The following AMPH variants were observed in gnomAD, a reference collection of about 807,000 sequenced individuals.
The protein encoded by AMPH is amphiphysin.
In AMPH, 49 loss-of-function variants were observed where a neutral mutation model predicts 99.1. The ratio of observed to expected loss-of-function variants is 0.49; its 90% CI spans 0.39 to 0.63. The LOEUF (loss-of-function observed/expected upper bound fraction) is 0.63, where lower values mean the gene tolerates loss of function less well. Among genes scored for constraint, AMPH ranks in the 20% least tolerant of loss-of-function variants. The pLI is 0.00. For synonymous variants in AMPH, 314 were observed against 317.3 expected (o/e 0.99, Z 0.11); for missense variants, 759 against 863.4 (o/e 0.88, Z 1.52).
At chr7:38,440,585 A>C (rs1438581650) in intron 11 of AMPH, among the ~76,000 whole-genome samples, 1 of 152,220 alleles carries the variant, frequency 6.6e-6, no homozygotes, top group Non-Finnish European at 1.5e-5. Flanking sequence ...AATAATGTGA[A>C]GTTTAAAACG....
At chr7:38,466,346 C>A (rs898238001) in intron 7 of AMPH, 98 bp from the exon 8 acceptor site, 2 of 934,016 alleles carry the variant, frequency 2.1e-6, no homozygotes, top group African/African-American at 3.5e-5. Flanking sequence ...ACCCAGGTTT[C>A]TTTTACACCA....
Position 38,446,159 on chromosome 7 carries a change from C to T in AMPH, c.1018-9771G>A, listed in dbSNP as rs541934520. ...TGTGAGAATGGCCTAATACATTAAC[C>T]ATGCCAACTGTTGGCAAAGATGTGG... On this transcript the variant is annotated intron_variant, in intron 11 of 20. Coordinates refer to ENST00000356264, the MANE Select transcript of AMPH (RefSeq NM_001635.4). Among the ~76,000 whole-genome samples, 7 of 152,314 alleles carry T rather than the reference C, an allele frequency of 4.6e-5. No individual in the cohort carries two copies. The South Asian group carries it at 1.2e-3, about 27-fold the overall frequency.
At chr7:38,406,778 T>A (rs1001744365) in intron 17 of AMPH, among the ~76,000 whole-genome samples, 1 of 82,458 alleles carries the variant, frequency 1.2e-5, no homozygotes, top group Non-Finnish European at 2.3e-5. Context: ...CTCTCTCTCG[T>A]GCTGGATGCC....
chr7:38,565,480 C>CT (rs1024180330), intron 1 of AMPH, among the ~76,000 whole-genome samples: 135 of 152,266 alleles, frequency 8.9e-4, no homozygotes, highest in Admixed American at 2.0e-3. Context: ...TTCACATGGT[C>CT]TTTTTTTCTG....
intron 13 of AMPH, among the ~76,000 whole-genome samples, chr7:38,430,787 G>T (rs538444801): frequency 5.3e-5 from 8 of 152,156 alleles, no homozygotes; most frequent in Non-Finnish European, 1.2e-4. Flanking sequence ...GGTTTCAATA[G>T]ACATTTTTAA....
intron 3 of AMPH, among the ~76,000 whole-genome samples, chr7:38,498,608 C>T (rs2129024360): frequency 6.6e-6 from 1 of 152,264 alleles, no homozygotes; most frequent in Non-Finnish European, 1.5e-5. Context: ...CATATAAGTG[C>T]TCAATAAATG....
intron 17 of AMPH, among the ~76,000 whole-genome samples, chr7:38,402,080 C>T (rs1273089418): frequency 6.6e-6 from 1 of 152,158 alleles, no homozygotes; most frequent in African/African-American, 2.4e-5. Context: ...TTTACCACAT[C>T]TCATGCAAAT....
At position 38,532,335 on chromosome 7, in the gene AMPH, A is replaced by G. The variant is rs893551598; in HGVS notation, c.150+2596T>C. The stretch of plus-strand genomic sequence containing the variant: ...GAAAATGCTAGATATTTTAGATGCA[A>G]AAATATTTTCAAAGTGAACCAAATG... On this transcript the variant is annotated intron_variant, in intron 2 of 20. Coordinates refer to ENST00000356264, the MANE Select transcript of AMPH (RefSeq NM_001635.4). Among the ~76,000 whole-genome samples, 3 of 152,320 alleles carry G rather than the reference A, an allele frequency of 2.0e-5. No homozygotes were observed. In the South Asian group the frequency reaches 6.2e-4, roughly 32 times the overall value.
At chr7:38,569,907 T>C (rs778318931) in intron 1 of AMPH, among the ~76,000 whole-genome samples, 4 of 152,332 alleles carry the variant, frequency 2.6e-5, no homozygotes, top group East Asian at 1.9e-4. Flanking sequence ...ATCATAATTA[T>C]GTTACATTTG....
At chr7:38,466,008 C>G (rs1584128130) in intron 8 of AMPH, among the ~76,000 whole-genome samples, 165 bp downstream of exon 8, 1 of 152,264 alleles carries the variant, frequency 6.6e-6, no homozygotes, top group African/African-American at 2.4e-5. Context: ...ACTATGTGAT[C>G]ACTATGAAAA....
intron 1 of AMPH, among the ~76,000 whole-genome samples, chr7:38,583,358 T>C (rs575555655): frequency 6.6e-6 from 1 of 152,302 alleles, no homozygotes; most frequent in Admixed American, 6.5e-5. Context: ...ACAAAGAACC[T>C]AATAGAAAGC....
rs368277846 is a variant in AMPH at position 38,509,643 on chromosome 7, A to G, written c.151-5939T>C. ...TTGAATTTGTGACCCTTGAAAAACC[A>G]CTCAGTTGTTTTTCTCTCTGTGTGT... On this transcript the variant is annotated intron_variant, in intron 2 of 20. Transcript: ENST00000356264. Among the ~76,000 whole-genome samples, 23 of 152,214 alleles carry G rather than the reference A, an allele frequency of 1.5e-4. No individual in the cohort carries two copies. The East Asian group carries it at 4.2e-3, about 28-fold the overall frequency.
chr7:38,463,406 C>A (rs1202097287), intron 9 of AMPH, among the ~76,000 whole-genome samples: 7 of 152,154 alleles, frequency 4.6e-5, no homozygotes, highest in Non-Finnish European at 5.9e-5. Context: ...AAAATAAAAA[C>A]TCTAAAATCA....
At chr7:38,430,919 A>C (rs115416246) in intron 13 of AMPH, among the ~76,000 whole-genome samples, 148 of 152,368 alleles carry the variant, frequency 9.7e-4, no homozygotes, top group African/African-American at 3.2e-3. Context: ...GAAAGTGGCA[A>C]TGTCAATTCA....
chr7:38,614,157 A>T (rs1285869650), intron 1 of AMPH, among the ~76,000 whole-genome samples: 1 of 152,230 alleles, frequency 6.6e-6, no homozygotes, highest in Non-Finnish European at 1.5e-5. Flanking sequence ...ACATCTAGCC[A>T]CAAATGATGC....
At chr7:38,605,905 C>T (rs935758981) in intron 1 of AMPH, among the ~76,000 whole-genome samples, 2 of 152,134 alleles carry the variant, frequency 1.3e-5, no homozygotes, top group Non-Finnish European at 2.9e-5. Flanking sequence ...TGCTAGAAGT[C>T]TAAACTCGTA....
In AMPH at chr7:38,427,173, C is replaced by A. The variant is rs373240467; in HGVS notation, c.1183-187G>T. ...CACTGTATGATTTTAAATAGGCTGA[C>A]AAAAAAAAAAAGAAAGGTTAATTTT... is the stretch of plus-strand genomic sequence containing the variant. On this transcript the variant is annotated intron_variant, in intron 14 of 20. Transcript: ENST00000356264. Among the ~76,000 whole-genome samples, 31 of 147,164 alleles carry A rather than the reference C, an allele frequency of 2.1e-4. No individual in the cohort carries two copies. Among genetic ancestry groups the A allele is most frequent in the East Asian group, 4.0e-4 (2 of 5,052 alleles).
At chr7:38,587,012 TACACACACACAC>T (rs36077157) in intron 1 of AMPH, among the ~76,000 whole-genome samples, 1 of 149,470 alleles carries the variant, frequency 6.7e-6, no homozygotes, top group Non-Finnish European at 1.5e-5. Flanking sequence ...ATTGTGTAAA[TACACACACACAC>T]ACACACACAC....
chr7:38,525,159 GTA>G (rs147443910), intron 2 of AMPH, among the ~76,000 whole-genome samples: 20,197 of 146,906 alleles, frequency 0.14, 1,612 homozygotes, highest in East Asian at 0.28. Flanking sequence ...TTACTTGTGT[GTA>G]TATATATATA....
Sources: allele counts gnomAD v4.1 joint callset (sites outside exome capture counted in the v4.1 genomes callset), GRCh38; gene constraint gnomAD v4.1.1; transcripts MANE v1.5; gene names NCBI Gene and HGNC (gene_info 2026-07-23, HGNC 2026-07-21).